Variants in PAXX observed in about 807,000 individuals in gnomAD.
PAXX encodes PAXX non-homologous end joining factor, also known as protein PAXX.
In PAXX, 27 loss-of-function variants were observed where a neutral mutation model predicts 25.6. The observed-to-expected ratio is 1.06, with a 90% CI of 0.78 to 1.46. The LOEUF is 1.46. PAXX is among the 40% of genes most tolerant of loss of function. The probability of loss-of-function intolerance (pLI) is 0.00; values close to 1 mark genes in which losing one functional copy is unlikely to be tolerated. For missense variants in PAXX, 295 were observed against 280.2 expected (o/e 1.05, Z -0.38); for synonymous variants, 126 against 125.7 (o/e 1.00, Z -0.02).
Position 136,993,150 on chromosome 9 carries a change from TCCAAGGTACCAGGCCCAGAGGCAGCC to T in PAXX, c.331_356del (p.Lys111GlnfsTer74), listed in dbSNP as rs1191214990. On this transcript the variant is annotated frameshift_variant, in exon 4 of 7. Transcript: ENST00000371620. LOFTEE classifies it high-confidence loss of function. ...GCCCTCGGCACTGGCCTTTGACCTC[TCCAAGGTACCAGGCCCAGAGGCAGCC>T]CCCAGGCTGCGGGCGCTGACACTGG... is the stretch of plus-strand genomic sequence containing the variant. The T allele has an allele frequency of 6.3e-7, 1 of 1,585,854 alleles. No homozygotes were observed. Among genetic ancestry groups the T allele is most frequent in the Admixed American group, 1.7e-5 (1 of 57,622 alleles).
At chr9:136,993,473 C>T (rs545875022) in intron 5 of PAXX, 62 bp downstream of exon 5, 1 of 1,595,284 alleles carries the variant, frequency 6.3e-7, no homozygotes, top group Non-Finnish European at 8.6e-7. Context: ...ACTCAGTTTC[C>T]CCCCAAACAA....
rs957368654 is a variant in PAXX at position 136,992,719 on chromosome 9, C to T, written c.180+19C>T. 13 of 1,540,974 alleles carry T rather than the reference C, an allele frequency of 8.4e-6. No individual in the cohort carries two copies. In the African/African-American group the frequency reaches 1.5e-4, roughly 18 times the overall value. ...GGCCCTCGTGGGTAACTGGGCGGGT[C>T]TGGGAGCCGCCACACCCCTCCTTGC... On this transcript the variant is annotated intron_variant, in intron 2 of 6. Transcript: ENST00000371620.
Position 136,993,870 on chromosome 9 carries a change from C to T in PAXX, c.*65C>T, listed in dbSNP as rs1286911977. ...TGAGGGGAGAGGCAGTCTTTGAGGCCCCCATCAGAGACCCCCCGCCACCAC... is the reference window on the plus strand; with the variant it reads ...TGAGGGGAGAGGCAGTCTTTGAGGCTCCCATCAGAGACCCCCCGCCACCAC... On this transcript the variant is annotated 3_prime_UTR_variant, in exon 7 of 7. Transcript: ENST00000371620. 4 of 1,548,272 alleles carry T rather than the reference C, an allele frequency of 2.6e-6. No homozygotes were observed. Among genetic ancestry groups the T allele is most frequent in the African/African-American group, 1.4e-5 (1 of 73,718 alleles).
At position 136,992,437 on chromosome 9, in the gene PAXX, C is replaced by A. The variant is rs1358414869; in HGVS notation, c.-7C>A. The A allele has an allele frequency of 1.6e-6, 2 of 1,213,792 alleles. No homozygotes were observed. Among genetic ancestry groups the A allele is most frequent in the South Asian group, 1.9e-5 (1 of 51,730 alleles). The allele number at this position is 1,213,792 out of a possible 1,614,324, so 75.2% of individuals were successfully genotyped here. Reference sequence around the variant, plus strand: ...CCGCCCCGCCGGGTTCCCGCTCGCCCGGCGCCATGGATCCGCTGTCGCCGC... The same window carrying A: ...CCGCCCCGCCGGGTTCCCGCTCGCCAGGCGCCATGGATCCGCTGTCGCCGC... On this transcript the variant is annotated 5_prime_UTR_variant, in exon 1 of 7. Coordinates refer to ENST00000371620, the MANE Select transcript of PAXX (RefSeq NM_183241.3).
chr9:136,993,688 T>C (rs1314159964), intron 6 of PAXX, 24 bp downstream of exon 6: 1 of 1,613,596 alleles, frequency 6.2e-7, no homozygotes, highest in South Asian at 1.1e-5. Context: ...GCCCCCTTCC[T>C]GCGCCCAGGG....
Position 136,993,186 on chromosome 9 carries a change from C to T in PAXX, c.364C>T (p.Arg122Trp), listed in dbSNP as rs763237178. ...AGGCCCAGAGGCAGCCCCCAGGCTG[C>T]GGGCGCTGACACTGGGCCTGGCAAA... Reference protein sequence around the residue: ...VPGPEAAPRLRALTLGLAKRV... With the variant: ...VPGPEAAPRLWALTLGLAKRV... The change falls in exon 4 of 7, where the codon CGG becomes TGG. Residue 122 changes from arginine to tryptophan, a missense_variant. Arg to Trp is a moderately radical substitution (Grantham distance 101). Coordinates refer to ENST00000371620, the MANE Select transcript of PAXX (RefSeq NM_183241.3). 1.2e-5 allele frequency: 19 copies of T among 1,546,196 alleles called. 1 individual carries two copies. The highest frequency in any genetic ancestry group is 9.8e-5 in the South Asian group (8 of 81,830).
intron 5 of PAXX, 60 bp from the exon 6 acceptor site, chr9:136,993,520 G>T (rs950859707): frequency 1.2e-6 from 2 of 1,605,704 alleles, no homozygotes; most frequent in African/African-American, 2.7e-5. Context: ...TCTATTCGGA[G>T]AAGGTTGTGG....
At position 136,992,630 on chromosome 9, in the gene PAXX, TCTC is replaced by T. The variant is rs1830602185; in HGVS notation, c.120-8_120-6del. The T allele has an allele frequency of 3.2e-6, 5 of 1,540,834 alleles. No homozygotes were observed. The African/African-American group carries it at 4.1e-5, about 13-fold the overall frequency. ...GCGGGCGGCCCCGCCTGACAGGCCTTCTCCCCCAGCGTGACCGACGCCGCGGAG... is the reference window on the plus strand; with the variant it reads ...GCGGGCGGCCCCGCCTGACAGGCCTTCCCCAGCGTGACCGACGCCGCGGAG... On this transcript the variant is annotated splice_region_variant and splice_polypyrimidine_tract_variant and intron_variant, in intron 1 of 6. Transcript: ENST00000371620.
At position 136,993,734 on chromosome 9, in the gene PAXX, A is replaced by G. The variant is rs141642761; in HGVS notation, c.576-32A>G. 3.4e-3 allele frequency: 5,474 copies of G among 1,613,716 alleles called. 14 individuals are homozygous for G. Among genetic ancestry groups the G allele is most frequent in the Non-Finnish European group, 4.0e-3 (4,721 of 1,179,886 alleles). On this transcript the variant is annotated intron_variant, in intron 6 of 6. Coordinates refer to ENST00000371620, the MANE Select transcript of PAXX (RefSeq NM_183241.3). ...GACCCCACCCCTTTCTCCACACCAT[A>G]GTGCCATAGTGACACCCCTCTTCCC...
intron 4 of PAXX, 49 bp from the exon 5 acceptor site, chr9:136,993,294 G>T: frequency 6.3e-7 from 1 of 1,580,522 alleles, no homozygotes; most frequent in Non-Finnish European, 8.6e-7. Context: ...CCCTGCTCTT[G>T]CCCCCACTCC....
rs549605469 is a variant in PAXX at position 136,993,031 on chromosome 9, C to T, written c.231-22C>T. The T allele has an allele frequency of 6.1e-5, 98 of 1,612,848 alleles. 1 individual carries two copies. In the East Asian group the frequency reaches 2.1e-3, roughly 35 times the overall value. ...GGGAGGAGGAGGGTCTGCCACAGCT[C>T]TCCGCACCTCTCCTCTCCCAGGGCA... On this transcript the variant is annotated intron_variant, in intron 3 of 6. Coordinates refer to ENST00000371620, the MANE Select transcript of PAXX (RefSeq NM_183241.3).
rs1297384997 is a variant in PAXX, at chr9:136,992,679, G to A, written c.159G>A (p.Thr53=). ...CGGAGCTTTGGAGCACCTGCTTCAC[G>A]CCGGACAGCCTGGCGGCCCTCGTGG... ...DAAELWSTCF[T]PDSLAALKAR... is the part of the protein sequence containing the mutation. Residue 53 remains threonine, a synonymous_variant, in exon 2 of 7, where the codon ACG becomes ACA. Coordinates refer to ENST00000371620, the MANE Select transcript of PAXX (RefSeq NM_183241.3). 1.3e-6 allele frequency: 2 copies of A among 1,540,444 alleles called. No individual in the cohort carries two copies. Among genetic ancestry groups the A allele is most frequent in the Non-Finnish European group, 1.7e-6 (2 of 1,146,888 alleles).
At position 136,993,352 on chromosome 9, in the gene PAXX, A is replaced by G. The variant is rs145852011; in HGVS notation, c.431A>G (p.Glu144Gly). The G allele has an allele frequency of 1.3e-5, 21 of 1,606,386 alleles. No homozygotes were observed. Among genetic ancestry groups the G allele is most frequent in the Non-Finnish European group, 1.7e-5 (20 of 1,176,676 alleles). The change falls in exon 5 of 7, where the codon GAG (glutamate) becomes GGG (glycine). Residue 144 changes from glutamate to glycine, a missense_variant. Glu to Gly is a moderately conservative substitution (Grantham distance 98). Transcript: ENST00000371620. ...GGGCTTTCCTCCCCAGCTGCAGAAG[A>G]GACAGCTGTCAGCCCGAGGAAGAGC... ...SLERRLAAAE[E>G]TAVSPRKSPR...
intron 4 of PAXX, 39 bp from the exon 5 acceptor site, chr9:136,993,304 C>G: frequency 1.3e-6 from 2 of 1,592,804 alleles, no homozygotes; most frequent in Non-Finnish European, 1.7e-6. Context: ...GCCCCCACTC[C>G]TGGCACTGAG....
chr9:136,993,176 C>A lies in PAXX; in HGVS notation c.354C>A (p.Ala118=). 1 of 1,553,912 alleles carries A rather than the reference C, an allele frequency of 6.4e-7. No individual in the cohort carries two copies. Among genetic ancestry groups the A allele is most frequent in the Non-Finnish European group, 8.7e-7 (1 of 1,153,748 alleles). ...DLSKVPGPEA[A]PRLRALTLGL... is the part of the protein sequence containing the mutation. Reference sequence around the variant, plus strand: ...CCAAGGTACCAGGCCCAGAGGCAGCCCCCAGGCTGCGGGCGCTGACACTGG... The same window carrying A: ...CCAAGGTACCAGGCCCAGAGGCAGCACCCAGGCTGCGGGCGCTGACACTGG... The change falls in exon 4 of 7, where the codon GCC becomes GCA. Residue 118 remains alanine (A), a synonymous_variant. Coordinates refer to ENST00000371620, the MANE Select transcript of PAXX (RefSeq NM_183241.3).
chr9:136,992,621 G>T lies in PAXX; in HGVS notation c.120-19G>T. On this transcript the variant is annotated intron_variant, in intron 1 of 6. Coordinates refer to ENST00000371620, the MANE Select transcript of PAXX (RefSeq NM_183241.3). ...GGGAGCTCCGCGGGCGGCCCCGCCT[G>T]ACAGGCCTTCTCCCCCAGCGTGACC... 6.5e-7 allele frequency: 1 copy of T among 1,538,728 alleles called. No individual in the cohort carries two copies. Among genetic ancestry groups the T allele is most frequent in the Middle Eastern group, 1.7e-4 (1 of 5,894 alleles).
chr9:136,993,033 C>T lies in PAXX; in HGVS notation c.231-20C>T, dbSNP rs770544837. The T allele has an allele frequency of 1.2e-6, 2 of 1,612,698 alleles. No homozygotes were observed. The highest frequency in any genetic ancestry group is 2.2e-5 in the East Asian group (1 of 44,896). On this transcript the variant is annotated intron_variant, in intron 3 of 6. Coordinates refer to ENST00000371620, the MANE Select transcript of PAXX (RefSeq NM_183241.3). ...GAGGAGGAGGGTCTGCCACAGCTCTCCGCACCTCTCCTCTCCCAGGGCAGC... is the reference window on the plus strand; with the variant it reads ...GAGGAGGAGGGTCTGCCACAGCTCTTCGCACCTCTCCTCTCCCAGGGCAGC...
chr9:136,992,643 G>C lies in PAXX; in HGVS notation c.123G>C (p.Val41=). 6.5e-7 allele frequency: 1 copy of C among 1,541,710 alleles called. No homozygotes were observed. Among genetic ancestry groups the C allele is most frequent in the African/African-American group, 1.4e-5 (1 of 73,172 alleles). Residue 41 remains valine, a synonymous_variant, in exon 2 of 7, where the codon GTG becomes GTC. Transcript: ENST00000371620. ...CCTGACAGGCCTTCTCCCCCAGCGT[G>C]ACCGACGCCGCGGAGCTTTGGAGCA... ...EGDRGGFNLY[V]TDAAELWSTC...
rs1186945943 is a variant in PAXX, at chr9:136,992,464, G to A, written c.21G>A (p.Pro7=). The change falls in exon 1 of 7, where the codon CCG becomes CCA. Residue 7 remains proline, a synonymous_variant. Coordinates refer to ENST00000371620, the MANE Select transcript of PAXX (RefSeq NM_183241.3). The stretch of plus-strand genomic sequence containing the variant: ...GCGCCATGGATCCGCTGTCGCCGCC[G>A]CTCTGCACGCTGCCGCCGGGCCCCG... The part of the protein sequence containing the change: MDPLSP[P]LCTLPPGPEP... 4.4e-6 allele frequency: 6 copies of A among 1,362,238 alleles called. No homozygotes were observed. The highest frequency in any genetic ancestry group is 3.5e-5 in the Admixed American group (1 of 28,494). The allele number at this position is 1,362,238 out of a possible 1,614,324, so 84.4% of individuals were successfully genotyped here. A position where few individuals can be genotyped will look rare whatever the true frequency, so the allele number is the denominator to read the frequency against.
Sources: gnomAD v4.1 joint callset for allele counts on GRCh38, gnomAD v4.1.1 for gene constraint, MANE v1.5 for transcripts, NCBI Gene and HGNC (gene_info 2026-07-23, HGNC 2026-07-21) for gene names.